Variants in WTIP observed in about 807,000 individuals in gnomAD.
WTIP encodes Wilms tumor protein 1-interacting protein.
A neutral mutation model predicts 41.7 loss-of-function variants in WTIP; 23 were observed. That is an observed-to-expected ratio of 0.55 (90% CI 0.40 to 0.78). The LOEUF (loss-of-function observed/expected upper bound fraction) is 0.78. Among genes scored for constraint, WTIP ranks in the 30% least tolerant of loss-of-function variants. The pLI, the probability that WTIP is intolerant of heterozygous loss-of-function variation, is 0.00. For synonymous variants in WTIP, 314 were observed against 269.9 expected (o/e 1.16, Z -1.60); for missense variants, 619 against 610.5 (o/e 1.01, Z -0.15).
chr19:34,482,754 G>A (rs772422927), intron 1 of WTIP, 113 bp downstream of exon 1: 2 of 1,200,172 alleles, frequency 1.7e-6, no homozygotes, highest in African/African-American at 3.2e-5. Flanking sequence ...CTGGCTGGGG[G>A]TGCAGCAGTG....
chr19:34,500,213 C>T lies in WTIP; in HGVS notation c.1237C>T (p.Arg413Trp), dbSNP rs2075877432. ...CCTACTGTGTCGTCGTTGCCACCTG[C>T]GGCGCCTCCAACCTGGGCCTCTTCC... ...GHLLCRRCHL[R>W]RLQPGPLPSP... Residue 413 changes from arginine (R) to tryptophan (W), a missense_variant, in exon 8 of 8, where the codon CGG becomes TGG. By Grantham distance (101) the Arg-to-Trp change is moderately radical. Transcript: ENST00000590071. The T allele has an allele frequency of 1.9e-6, 3 of 1,606,436 alleles. No individual in the cohort carries two copies. The highest frequency in any genetic ancestry group is 1.3e-5 in the African/African-American group (1 of 74,896).
Position 34,481,938 on chromosome 19 carries a change from A to C in WTIP, c.-37A>C. On this transcript the variant is annotated 5_prime_UTR_variant, in exon 1 of 8. Coordinates refer to ENST00000590071, the MANE Select transcript of WTIP (RefSeq NM_001080436.2). ...CGGCCGGAGCGGCGGCGGGAAGCGG[A>C]GGCGGAGGTGACGCGCCAGGGCCGG... The C allele has an allele frequency of 1.0e-6, 1 of 985,914 alleles. No homozygotes were observed. The highest frequency in any genetic ancestry group is 1.8e-5 in the African/African-American group (1 of 56,586). 61.1% of individuals were successfully genotyped at this position (985,914 alleles called of 1,614,324 possible).
chr19:34,511,521 C>T lies in WTIP; in HGVS notation c.*11252C>T, dbSNP rs2075933210. 6.6e-6 allele frequency: 1 copy of T among 152,134 alleles called. No homozygotes were observed. Among genetic ancestry groups the T allele is most frequent in the African/African-American group, 2.4e-5 (1 of 41,422 alleles). The allele number at this position is 152,134 out of a possible 1,614,324, so 9.4% of individuals were successfully genotyped here. A position where few individuals can be genotyped will look rare whatever the true frequency, so the allele number is the denominator to read the frequency against. On this transcript the variant is annotated 3_prime_UTR_variant, in exon 8 of 8. Transcript: ENST00000590071. ...TAGCTACGTGTTTGGGCCTGGCTTT[C>T]ATTATTTACCAAGGATCAAGACCTG...
intron 7 of WTIP, among the ~76,000 whole-genome samples, chr19:34,496,025 C>T (rs13353264): frequency 8.6e-5 from 13 of 151,794 alleles, no homozygotes; most frequent in South Asian, 6.2e-4. Context: ...GGCGTGGTGG[C>T]GGGCACCTGT....
rs1303160136 is a variant in WTIP, at chr19:34,483,306, G to C, written c.667+665G>C. On this transcript the variant is annotated intron_variant, in intron 1 of 7. Transcript: ENST00000590071. ...CCCAAGGTGCTAGGATTACAGGCTT[G>C]AGCCAGTGCGCCCGGCCTGATCTTT... Among the ~76,000 whole-genome samples the C allele has an allele frequency of 4.0e-5, 6 of 151,072 alleles. No individual in the cohort carries two copies. The Admixed American group carries it at 4.0e-4, about 10-fold the overall frequency.
At chr19:34,499,755 A>C (rs886436913) in intron 7 of WTIP, among the ~76,000 whole-genome samples, 2 of 150,986 alleles carry the variant, frequency 1.3e-5, no homozygotes, top group African/African-American at 4.9e-5. Context: ...GCTGGAATGC[A>C]ATGGCAGGCT....
chr19:34,498,950 A>G (rs1441260686), intron 7 of WTIP, among the ~76,000 whole-genome samples: 2 of 146,020 alleles, frequency 1.4e-5, no homozygotes, highest in South Asian at 2.2e-4. Flanking sequence ...GCTCACGCCT[A>G]CAATCCCAGC....
rs1052970522 is a variant in WTIP, at chr19:34,493,839, A to G, written c.1031+217A>G. ...GCTGTCTTTTGCCTCTTCTCTCCCT[A>G]TCGTGGCCTGCATGCTTCTCTACTC... On this transcript the variant is annotated intron_variant, in intron 5 of 7. Coordinates refer to ENST00000590071, the MANE Select transcript of WTIP (RefSeq NM_001080436.2). The surrounding 1 kb of genome is among the most constrained non-coding windows in gnomAD (Gnocchi z 4.1). Among the ~76,000 whole-genome samples, 1 of 150,984 alleles carries G rather than the reference A, an allele frequency of 6.6e-6. No homozygotes were observed. The highest frequency in any genetic ancestry group is 1.5e-5 in the Non-Finnish European group (1 of 67,772).
At chr19:34,495,639 ACT>A in intron 6 of WTIP, 62 bp from the exon 7 acceptor site, 1 of 1,569,752 alleles carries the variant, frequency 6.4e-7, no homozygotes, top group Non-Finnish European at 8.7e-7. Flanking sequence ...GGGAGTGTAC[ACT>A]CACGCAGTTT....
In WTIP at chr19:34,504,636, T is replaced by G. The variant is rs1196303230; in HGVS notation, c.*4367T>G. The G allele has an allele frequency of 6.6e-6, 1 of 152,404 alleles. No homozygotes were observed. The highest frequency in any genetic ancestry group is 1.5e-5 in the Non-Finnish European group (1 of 68,382). The allele number at this position is 152,404 out of a possible 1,614,324, so 9.4% of individuals were successfully genotyped here. A position where few individuals can be genotyped will look rare whatever the true frequency, so the allele number is the denominator to read the frequency against. On this transcript the variant is annotated 3_prime_UTR_variant, in exon 8 of 8. Coordinates refer to ENST00000590071, the MANE Select transcript of WTIP (RefSeq NM_001080436.2). ...GGGGGGCTGTGTGGGGAGGGGCCACTGGGCAGGATTTATGAGACCTGGGCA... is the reference window on the plus strand; with the variant it reads ...GGGGGGCTGTGTGGGGAGGGGCCACGGGGCAGGATTTATGAGACCTGGGCA...
At position 34,482,280 on chromosome 19, in the gene WTIP, C is replaced by T; in HGVS notation, c.306C>T (p.Gly102=). 2 of 1,320,426 alleles carry T rather than the reference C, an allele frequency of 1.5e-6. No individual in the cohort carries two copies. The highest frequency in any genetic ancestry group is 9.7e-7 in the Non-Finnish European group (1 of 1,027,798). The allele number at this position is 1,320,426 out of a possible 1,614,324, so 81.8% of individuals were successfully genotyped here. The change falls in exon 1 of 8, where the codon GGC becomes GGT. Residue 102 remains glycine, a synonymous_variant. Transcript: ENST00000590071. ...SLAGSDGGGG[G]GSARSSGISL... Reference sequence around the variant, plus strand: ...CGGGGTCCGACGGCGGCGGCGGTGGCGGCAGCGCCCGATCCAGCGGCATCA... The same window carrying T: ...CGGGGTCCGACGGCGGCGGCGGTGGTGGCAGCGCCCGATCCAGCGGCATCA...
chr19:34,483,831 A>G (rs12609816), intron 1 of WTIP, among the ~76,000 whole-genome samples: 1 of 150,122 alleles, frequency 6.7e-6, no homozygotes, highest in Admixed American at 6.6e-5. Context: ...ATGGATGGTC[A>G]CCATGCCTGG....
At position 34,482,297 on chromosome 19, in the gene WTIP, GC is replaced by G; in HGVS notation, c.324del (p.Ser108ArgfsTer193). ...GGCGGTGGCGGCAGCGCCCGATCCA[GC>G]GGCATCAGCCTGGGCTACGACCAGC... The part of the protein sequence containing the change: ...GGGGGGSARS[S>X]GISLGYDQRH... On this transcript the variant is annotated frameshift_variant, in exon 1 of 8. Transcript: ENST00000590071. LOFTEE classifies it high-confidence loss of function. 1 of 1,360,698 alleles carries G rather than the reference GC, an allele frequency of 7.3e-7. No individual in the cohort carries two copies. The allele number at this position is 1,360,698 out of a possible 1,614,324, so 84.3% of individuals were successfully genotyped here.
At position 34,502,050 on chromosome 19, in the gene WTIP, G is replaced by C. The variant is rs1479043301; in HGVS notation, c.*1781G>C. The C allele has an allele frequency of 6.6e-6, 1 of 152,298 alleles. No individual in the cohort carries two copies. Among genetic ancestry groups the C allele is most frequent in the Non-Finnish European group, 1.5e-5 (1 of 68,246 alleles). The allele number at this position is 152,298 out of a possible 1,614,324, so 9.4% of individuals were successfully genotyped here. ...GCTCACTGCAGCCTCCGCCTCCCGGGTTCAAGCAATTCTCCTGCTTTAGTC... is the reference window on the plus strand; with the variant it reads ...GCTCACTGCAGCCTCCGCCTCCCGGCTTCAAGCAATTCTCCTGCTTTAGTC... On this transcript the variant is annotated 3_prime_UTR_variant, in exon 8 of 8. Transcript: ENST00000590071.
rs2075906615 is a variant in WTIP, at chr19:34,505,302, G to A, written c.*5033G>A. ...TCCTGGAGAGTGCTCAGGAAACTCA[G>A]GAGGAGTGTGGACGCGGCTCCTCTC... On this transcript the variant is annotated 3_prime_UTR_variant, in exon 8 of 8. Transcript: ENST00000590071. 6.6e-6 allele frequency: 1 copy of A among 152,254 alleles called. No homozygotes were observed. Among genetic ancestry groups the A allele is most frequent in the South Asian group, 2.1e-4 (1 of 4,840 alleles). The allele number at this position is 152,254 out of a possible 1,614,324, so 9.4% of individuals were successfully genotyped here.
At position 34,507,640 on chromosome 19, in the gene WTIP, T is replaced by C. The variant is rs530588632; in HGVS notation, c.*7371T>C. 6.6e-6 allele frequency: 1 copy of C among 152,404 alleles called. No individual in the cohort carries two copies. The highest frequency in any genetic ancestry group is 2.1e-4 in the South Asian group (1 of 4,830). 9.4% of individuals were successfully genotyped at this position (152,404 alleles called of 1,614,324 possible). A position where few individuals can be genotyped will look rare whatever the true frequency, so the allele number is the denominator to read the frequency against. ...GGAGACCTGGAGGGGAGCCCTGATG[T>C]CTGGGACAGTGCTTGTCAGTGGATG... On this transcript the variant is annotated 3_prime_UTR_variant, in exon 8 of 8. Transcript: ENST00000590071.
chr19:34,482,244 G>A lies in WTIP; in HGVS notation c.270G>A (p.Arg90=). 2 of 1,240,532 alleles carry A rather than the reference G, an allele frequency of 1.6e-6. No individual in the cohort carries two copies. Among genetic ancestry groups the A allele is most frequent in the South Asian group, 2.2e-5 (1 of 45,706 alleles). 76.8% of individuals were successfully genotyped at this position (1,240,532 alleles called of 1,614,324 possible). The change falls in exon 1 of 8, where the codon CGG becomes CGA. Residue 90 remains arginine, a synonymous_variant. Coordinates refer to ENST00000590071, the MANE Select transcript of WTIP (RefSeq NM_001080436.2). ...ELSAQPAGSP[R]ASLAGSDGGG... ...GCGCGCAGCCTGCGGGCAGCCCACGGGCCAGCCTGGCGGGGTCCGACGGCG... is the reference window on the plus strand; with the variant it reads ...GCGCGCAGCCTGCGGGCAGCCCACGAGCCAGCCTGGCGGGGTCCGACGGCG...
chr19:34,502,785 G>T lies in WTIP; in HGVS notation c.*2516G>T, dbSNP rs980242266. 6 of 151,950 alleles carry T rather than the reference G, an allele frequency of 3.9e-5. No individual in the cohort carries two copies. The highest frequency in any genetic ancestry group is 1.5e-4 in the African/African-American group (6 of 41,324). The allele number at this position is 151,950 out of a possible 1,614,324, so 9.4% of individuals were successfully genotyped here. On this transcript the variant is annotated 3_prime_UTR_variant, in exon 8 of 8. Coordinates refer to ENST00000590071, the MANE Select transcript of WTIP (RefSeq NM_001080436.2). Reference sequence around the variant, plus strand: ...TTGGCCAGGTTGGTGTCAAACTCCTGACCTCAAGCGAGCCCACCTTGGCCT... The same window carrying T: ...TTGGCCAGGTTGGTGTCAAACTCCTTACCTCAAGCGAGCCCACCTTGGCCT...
chr19:34,482,560 A>G lies in WTIP; in HGVS notation c.586A>G (p.Ser196Gly). Reference sequence around the variant, plus strand: ...GCCCCCTGGCCGGGAGGGCGGCCCAAGCGCGGCCGAGCGGCGGCTGGAGGC... The same window carrying G: ...GCCCCCTGGCCGGGAGGGCGGCCCAGGCGCGGCCGAGCGGCGGCTGGAGGC... ...PLPPGREGGP[S>G]AAERRLEALT... The change falls in exon 1 of 8, where the codon AGC becomes GGC. Residue 196 changes from serine (S) to glycine (G), a missense_variant. By Grantham distance (56) the Ser-to-Gly change is moderately conservative (BLOSUM62 0). Around this residue, in one of 3 missense-constraint regions of WTIP, gnomAD observed 363 missense variants for 309.0 expected, o/e 1.17. Transcript: ENST00000590071. 9 of 1,229,790 alleles carry G rather than the reference A, an allele frequency of 7.3e-6. No individual in the cohort carries two copies. The highest frequency in any genetic ancestry group is 9.1e-6 in the Non-Finnish European group (9 of 987,558). The allele number at this position is 1,229,790 out of a possible 1,614,324, so 76.2% of individuals were successfully genotyped here.
Sources: gnomAD v4.1 joint callset for allele counts (sites outside exome capture counted in the v4.1 genomes callset) on GRCh38, gnomAD v4.1.1 for gene constraint, gnomAD v4.1.1 regional missense constraint, Gnocchi (gnomAD v3.1) non-coding constraint, MANE v1.5 for transcripts, NCBI Gene and HGNC (gene_info 2026-07-23, HGNC 2026-07-21) for gene names.